The following MINAR1 variants were observed in gnomAD, a reference collection of about 807,000 sequenced individuals.
The protein encoded by MINAR1 is membrane integral NOTCH2 associated receptor 1.
MINAR1 carries 40 observed loss-of-function variants against 65.1 expected under a neutral mutation model. The ratio of observed to expected loss-of-function variants is 0.61; its 90% CI spans 0.48 to 0.80. The LOEUF (loss-of-function observed/expected upper bound fraction) is 0.80. MINAR1 is among the 30% of genes least tolerant of loss of function. MINAR1 has a pLI of 0.00. For synonymous variants in MINAR1, 482 were observed against 449.1 expected (o/e 1.07, Z -0.93); for missense variants, 1,128 against 1,148.0 (o/e 0.98, Z 0.25).
chr15:79,436,966 C>T (rs538617520), intron 1 of MINAR1, among the ~76,000 whole-genome samples: 3 of 152,302 alleles, frequency 2.0e-5, no homozygotes, highest in African/African-American at 7.2e-5. Flanking sequence ...TCCTAGTGAA[C>T]AATTTTGACC....
At chr15:79,466,889 G>C (rs888343862) in intron 3 of MINAR1, among the ~76,000 whole-genome samples, 20 of 152,350 alleles carry the variant, frequency 1.3e-4, no homozygotes, top group African/African-American at 4.1e-4. Flanking sequence ...ACAGCTCTGA[G>C]AGCAGGTGTC....
intron 2 of MINAR1, among the ~76,000 whole-genome samples, chr15:79,460,509 A>C (rs1354748589): frequency 6.6e-6 from 1 of 151,948 alleles, no homozygotes; most frequent in Non-Finnish European, 1.5e-5. Context: ...GACCCTATGG[A>C]TTTGCCTTCT....
At chr15:79,417,731 C>G in the MINAR1 span, 3 of 152,232 alleles carry the variant, frequency 2.0e-5, no homozygotes, top group Non-Finnish European at 4.4e-5. Context: ...ATGGAGCAAA[C>G]GCACACAGCA....
At chr15:79,458,497 G>C in intron 2 of MINAR1, 52 bp downstream of exon 2, 2 of 1,568,124 alleles carry the variant, frequency 1.3e-6, no homozygotes, top group Non-Finnish European at 1.7e-6. Flanking sequence ...TCATAGCCCT[G>C]GTGTATTTCA....
intron 3 of MINAR1, among the ~76,000 whole-genome samples, chr15:79,466,691 G>T (rs983782793): frequency 6.6e-6 from 1 of 152,224 alleles, no homozygotes; most frequent in Non-Finnish European, 1.5e-5. Flanking sequence ...AGCCTGAGGG[G>T]TGCAGGGCCT....
At chr15:79,462,665 T>A (rs1895690050) in intron 2 of MINAR1, among the ~76,000 whole-genome samples, 1 of 152,182 alleles carries the variant, frequency 6.6e-6, no homozygotes, top group East Asian at 1.9e-4. Flanking sequence ...AGAGGGGGCA[T>A]TAATATCAGT....
intron 2 of MINAR1, among the ~76,000 whole-genome samples, chr15:79,459,412 G>C (rs1286168522): frequency 6.6e-6 from 1 of 152,132 alleles, no homozygotes; most frequent in East Asian, 1.9e-4. Context: ...CCTGCAGTAA[G>C]GGTGGTTTGT....
intron 2 of MINAR1, among the ~76,000 whole-genome samples, chr15:79,459,219 C>A (rs1895552718): frequency 6.6e-6 from 1 of 152,188 alleles, no homozygotes; most frequent in Non-Finnish European, 1.5e-5. Context: ...TTCCACCACA[C>A]AAAGACGGCA....
At chr15:79,443,572 G>A (rs1485231199) in intron 1 of MINAR1, among the ~76,000 whole-genome samples, 1 of 151,552 alleles carries the variant, frequency 6.6e-6, no homozygotes, top group African/African-American at 2.4e-5. Flanking sequence ...TCTATTTGAG[G>A]TTTTTTTTCC....
In MINAR1 at chr15:79,470,868, G is replaced by C. The variant is rs1166338850; in HGVS notation, c.*2484G>C. The C allele has an allele frequency of 6.6e-6, 1 of 152,150 alleles. No individual in the cohort carries two copies. The highest frequency in any genetic ancestry group is 1.5e-5 in the Non-Finnish European group (1 of 68,046). The allele number at this position is 152,150 out of a possible 1,614,324, so 9.4% of individuals were successfully genotyped here. A position where few individuals can be genotyped will look rare whatever the true frequency, so the allele number is the denominator to read the frequency against. The stretch of plus-strand genomic sequence containing the variant: ...TCAGTCTGATAATACCAAGTCTGAC[G>C]CTGAGGTTATGAATCATTACCATGG... On this transcript the variant is annotated 3_prime_UTR_variant, in exon 4 of 4. Transcript: ENST00000305428.
the MINAR1 span, chr15:79,426,232 T>TA: frequency 7.9e-5 from 12 of 152,536 alleles, no homozygotes; most frequent in Non-Finnish European, 1.5e-4. Context: ...AGAGGCTGTT[T>TA]AGGCTCTGTT....
At position 79,458,355 on chromosome 15, in the gene MINAR1, C is replaced by T; in HGVS notation, c.2208C>T (p.Ile736=). ...ACTCGCCCAGAGACTGGCGCACCAT[C>T]ACTTATACCAACCGTGTGGGCCTCA... ...ISNSPRDWRT[I]TYTNRVGLNE... Residue 736 remains isoleucine, a synonymous_variant, in exon 2 of 4, where the codon ATC becomes ATT. Transcript: ENST00000305428. The T allele has an allele frequency of 1.2e-6, 2 of 1,614,224 alleles. No homozygotes were observed. Among genetic ancestry groups the T allele is most frequent in the Non-Finnish European group, 1.7e-6 (2 of 1,180,036 alleles).
intron 2 of MINAR1, among the ~76,000 whole-genome samples, chr15:79,461,062 T>C (rs1290600559): frequency 1.3e-5 from 2 of 152,266 alleles, no homozygotes; most frequent in Admixed American, 6.5e-5. Flanking sequence ...CTAGGGCTTA[T>C]TGCTGGTCTC....
At chr15:79,453,092 T>C (rs1895291618) in intron 1 of MINAR1, among the ~76,000 whole-genome samples, 1 of 151,960 alleles carries the variant, frequency 6.6e-6, no homozygotes, top group Non-Finnish European at 1.5e-5. Context: ...TGTGATGCAT[T>C]ATGCTCTGAG....
In MINAR1 at chr15:79,445,914, C is replaced by A. The variant is rs151192801; in HGVS notation, c.-50-10184C>A. 5.9e-5 allele frequency among the ~76,000 whole-genome samples: 9 copies of A among 152,282 alleles called. No homozygotes were observed. In the East Asian group the frequency reaches 1.7e-3, roughly 29 times the overall value. On this transcript the variant is annotated intron_variant, in intron 1 of 3. Transcript: ENST00000305428. ...GCATTTTATTTTAATTTTTAAAAAT[C>A]CGGCTTGAGAGTCATAGTCTTGTAA...
At chr15:79,422,228 A>C in the MINAR1 span, 1 of 152,194 alleles carries the variant, frequency 6.6e-6, no homozygotes, top group East Asian at 1.9e-4. Flanking sequence ...AGGAGGCACC[A>C]CTGTAAAACA....
At chr15:79,430,888 T>TA (rs141125264), upstream of MINAR1, among the ~76,000 whole-genome samples, 3,230 of 152,334 alleles carry the variant, frequency 0.021, 115 homozygotes, top group African/African-American at 0.074. Context: ...GTTTTGTTTT[T>TA]AAAAAACTTT....
At chr15:79,437,255 A>C (rs1379837387) in intron 1 of MINAR1, among the ~76,000 whole-genome samples, 1 of 152,200 alleles carries the variant, frequency 6.6e-6, no homozygotes, top group African/African-American at 2.4e-5. Context: ...GTTGAAGAAG[A>C]TGAAAGTCTT....
chr15:79,430,663 A>G (rs1434966015), upstream of MINAR1, among the ~76,000 whole-genome samples: 1 of 152,204 alleles, frequency 6.6e-6, no homozygotes, highest in East Asian at 1.9e-4. Flanking sequence ...GGTACAGTGA[A>G]TCAAACAAAC....
Sources: allele counts gnomAD v4.1 joint callset (sites outside exome capture counted in the v4.1 genomes callset), GRCh38; gene constraint gnomAD v4.1.1; transcripts MANE v1.5; gene names NCBI Gene and HGNC (gene_info 2026-07-23, HGNC 2026-07-21).